Variants in CAMK2G observed in about 807,000 individuals in gnomAD.
The protein encoded by CAMK2G is calcium/calmodulin-dependent protein kinase type II subunit gamma.
A neutral mutation model predicts 88.7 loss-of-function variants in CAMK2G; 23 were observed. That is an observed-to-expected ratio of 0.26 (90% CI 0.19 to 0.37). The LOEUF (loss-of-function observed/expected upper bound fraction) is 0.37. Among genes scored for constraint, CAMK2G ranks in the 10% least tolerant of loss-of-function variants. The pLI, the probability that CAMK2G is intolerant of heterozygous loss-of-function variation, is 1.00. For synonymous variants in CAMK2G, 263 were observed against 294.8 expected, an observed-to-expected ratio of 0.89 and a Z score of 1.11; for missense variants, 476 against 780.8, an observed-to-expected ratio of 0.61 and a Z score of 4.65.
In CAMK2G at chr10:73,839,008, G is replaced by T. The variant is rs1459471997; in HGVS notation, c.1009+531C>A. Reference sequence around the variant, plus strand: ...TGGAGAGGTGAGGAATTAAGGCTGGGAGAGCTGGTGTGACTCGCTCAGGGT... The same window carrying T: ...TGGAGAGGTGAGGAATTAAGGCTGGTAGAGCTGGTGTGACTCGCTCAGGGT... On this transcript the variant is annotated intron_variant, in intron 13 of 22. Transcript: ENST00000423381. This position sits in a 1 kb window ranked among gnomAD's most constrained non-coding sequence, Gnocchi z 4.2. 1.3e-5 allele frequency among the ~76,000 whole-genome samples: 2 copies of T among 152,194 alleles called. No homozygotes were observed. Among genetic ancestry groups the T allele is most frequent in the East Asian group, 3.8e-4 (2 of 5,198 alleles).
intron 3 of CAMK2G, among the ~76,000 whole-genome samples, chr10:73,855,313 T>G (rs539403738): frequency 6.6e-6 from 1 of 152,310 alleles, no homozygotes; most frequent in Non-Finnish European, 1.5e-5. Flanking sequence ...TTAAAAAGCA[T>G]TAAAGTGTGT....
intron 14 of CAMK2G, among the ~76,000 whole-genome samples, chr10:73,833,055 G>A (rs190986949): frequency 7.1e-4 from 108 of 151,142 alleles, no homozygotes; most frequent in African/African-American, 2.5e-3. Context: ...CAGCCTCCTG[G>A]GCTCAAGCAA....
intron 2 of CAMK2G, among the ~76,000 whole-genome samples, chr10:73,864,131 C>T (rs1016761489): frequency 1.3e-5 from 2 of 152,118 alleles, no homozygotes; most frequent in Non-Finnish European, 2.9e-5. Flanking sequence ...GGGTGGATCA[C>T]TTGAGGTCAG....
intron 21 of CAMK2G, chr10:73,815,997 TAGATAAC>T: frequency 1.0e-6 from 1 of 985,260 alleles, no homozygotes; most frequent in Non-Finnish European, 1.2e-6. Context: ...TAGAATTACT[TAGATAAC>T]AGAGAGTTTA....
rs143618257 is a variant in CAMK2G, at chr10:73,869,681, C to G, written c.160+3308G>C. 5.7e-3 allele frequency among the ~76,000 whole-genome samples: 861 copies of G among 152,346 alleles called. 11 individuals are homozygous for G. Among genetic ancestry groups the G allele is most frequent in the African/African-American group, 0.02 (826 of 41,570 alleles). On this transcript the variant is annotated intron_variant, in intron 2 of 22. Coordinates refer to ENST00000423381, the MANE Select transcript of CAMK2G (RefSeq NM_001367534.1). Reference sequence around the variant, plus strand: ...AGAAGTATAGAAACACATAAGGACCCTTCCCTCACCTCTCAGGTCCTCACA... The same window carrying G: ...AGAAGTATAGAAACACATAAGGACCGTTCCCTCACCTCTCAGGTCCTCACA...
In CAMK2G at chr10:73,839,581, G is replaced by A. The variant is rs2134277298; in HGVS notation, c.967C>T (p.Pro323Ser). ...NFSVGRQSSA[P>S]ASPAASAAGL... ...GCGGCGCTCGCGGCAGGCGAGGCGG[G>A]GGCGGAGCTCTGCCTGCCAACTGAG... Residue 323 changes from proline to serine, a missense_variant, in exon 13 of 23, where the codon CCC becomes TCC. Coordinates refer to ENST00000423381, the MANE Select transcript of CAMK2G (RefSeq NM_001367534.1). This position sits in a 1 kb window ranked among gnomAD's most constrained non-coding sequence, Gnocchi z 4.2. 8.1e-7 allele frequency: 1 copy of A among 1,233,878 alleles called. No homozygotes were observed. Among genetic ancestry groups the A allele is most frequent in the East Asian group, 3.2e-5 (1 of 31,664 alleles). 76.4% of individuals were successfully genotyped at this position (1,233,878 alleles called of 1,614,324 possible).
At position 73,842,185 on chromosome 10, in the gene CAMK2G, G is replaced by A; in HGVS notation, c.930C>T (p.Val310=). 6.8e-6 allele frequency: 11 copies of A among 1,613,028 alleles called. No homozygotes were observed. Among genetic ancestry groups the A allele is most frequent in the Non-Finnish European group, 9.3e-6 (11 of 1,178,942 alleles). ...AAAACATACCTGAGAAGTTCCTGGA[G>A]ACAAGCATGGTCGTGAGGATGGCAC... ...LKGAILTTML[V]SRNFSVGRQS... The change falls in exon 12 of 23, where the codon GTC becomes GTT. Residue 310 remains valine (V), a synonymous_variant. Transcript: ENST00000423381. The surrounding 1 kb of genome is among the most constrained non-coding windows in gnomAD (Gnocchi z 4.6).
intron 10 of CAMK2G, chr10:73,846,995 G>A (rs1282126872): frequency 3.9e-6 from 2 of 516,508 alleles, no homozygotes; most frequent in Non-Finnish European, 6.9e-6. Flanking sequence ...ATCCCAGCCT[G>A]ACAGCCATGA....
At chr10:73,828,197 T>C (rs975115647) in intron 14 of CAMK2G, 76 bp from the exon 15 acceptor site, 53 of 1,219,974 alleles carry the variant, frequency 4.3e-5, no homozygotes, top group Non-Finnish European at 6.2e-5. Context: ...CGCTGCAGGT[T>C]AGCGCACCAG....
At chr10:73,821,493 C>T (rs773119496) in intron 18 of CAMK2G, among the ~76,000 whole-genome samples, 189 bp downstream of exon 18, 18 of 152,174 alleles carry the variant, frequency 1.2e-4, no homozygotes, top group Non-Finnish European at 2.4e-4. Context: ...GCCTCTTGCC[C>T]AACTCAGCAA....
chr10:73,831,414 T>C (rs1044860222), intron 14 of CAMK2G, among the ~76,000 whole-genome samples: 6 of 150,248 alleles, frequency 4.0e-5, no homozygotes, highest in Admixed American at 4.0e-4. Context: ...GGCACGCGCC[T>C]GTAGTCCCAG....
At position 73,824,227 on chromosome 10, in the gene CAMK2G, A is replaced by G. The variant is rs2133553474; in HGVS notation, c.1156-143T>C. On this transcript the variant is annotated intron_variant, in intron 16 of 22. Transcript: ENST00000423381. The stretch of plus-strand genomic sequence containing the variant: ...CCCACCAGCCATCTCCAGAAGACAA[A>G]ATATCCCGGCTCAACTGGGGTCCCG... 7.8e-6 allele frequency: 5 copies of G among 642,292 alleles called. No individual in the cohort carries two copies. In the South Asian group the frequency reaches 8.9e-5, roughly 11 times the overall value. The allele number at this position is 642,292 out of a possible 1,614,324, so 39.8% of individuals were successfully genotyped here.
At chr10:73,823,480 T>C (rs1382805925) in intron 17 of CAMK2G, among the ~76,000 whole-genome samples, 1 of 152,170 alleles carries the variant, frequency 6.6e-6, no homozygotes, top group Non-Finnish European at 1.5e-5. Flanking sequence ...CCTCCCAAAG[T>C]GTGAGGATTA....
rs1345007415 is a variant in CAMK2G, at chr10:73,848,812, G to C, written c.517+201C>G. The stretch of plus-strand genomic sequence containing the variant: ...GACGGCAAAGCCGTATGCCTACCAG[G>C]AACTCCAGCTCCTTCCCACAGGCAG... On this transcript the variant is annotated intron_variant, in intron 7 of 22. Transcript: ENST00000423381. This position sits in a 1 kb window ranked among gnomAD's most constrained non-coding sequence, Gnocchi z 4.5. 6.6e-6 allele frequency among the ~76,000 whole-genome samples: 1 copy of C among 152,196 alleles called. No homozygotes were observed. Among genetic ancestry groups the C allele is most frequent in the Non-Finnish European group, 1.5e-5 (1 of 68,028 alleles).
At chr10:73,816,086 G>A in intron 21 of CAMK2G, 1 of 985,466 alleles carries the variant, frequency 1.0e-6, no homozygotes, top group Non-Finnish European at 1.2e-6. Flanking sequence ...CTCAGGGCAG[G>A]ATAGGGAAGG....
At chr10:73,828,403 A>G (rs186495956) in intron 14 of CAMK2G, among the ~76,000 whole-genome samples, 7 of 152,340 alleles carry the variant, frequency 4.6e-5, no homozygotes, top group Middle Eastern at 3.4e-3. Context: ...AAGCCTCTTA[A>G]GGAGATTAAG....
At chr10:73,846,975 A>G (rs2094293475) in intron 10 of CAMK2G, 1 of 476,396 alleles carries the variant, frequency 2.1e-6, no homozygotes, top group Non-Finnish European at 3.8e-6. Context: ...CTCATCCAAG[A>G]ACAGAACCAA....
chr10:73,868,537 C>T (rs1591401244), intron 2 of CAMK2G, among the ~76,000 whole-genome samples: 2 of 152,176 alleles, frequency 1.3e-5, no homozygotes, highest in Non-Finnish European at 2.9e-5. Flanking sequence ...ATGCAGGATG[C>T]CCATTTCTCT....
At chr10:73,853,328 G>A (rs1430445863) in intron 3 of CAMK2G, 82 bp from the exon 4 acceptor site, 50 of 1,262,800 alleles carry the variant, frequency 4.0e-5, no homozygotes, top group Non-Finnish European at 5.6e-5. Context: ...CCCCACCCCT[G>A]CCCCATCCTG....
Sources: allele counts gnomAD v4.1 joint callset (sites outside exome capture counted in the v4.1 genomes callset), GRCh38; gene constraint gnomAD v4.1.1; non-coding constraint Gnocchi (gnomAD v3.1); transcripts MANE v1.5; gene names NCBI Gene and HGNC (gene_info 2026-07-23, HGNC 2026-07-21).